The following KIF4A variants were observed in gnomAD, a reference collection of about 807,000 sequenced individuals.
KIF4A encodes chromosome-associated kinesin KIF4A.
Under a neutral mutation model 105.9 loss-of-function variants are expected in KIF4A, and 7 were observed. That is an observed-to-expected ratio of 0.07 (90% CI 0.04 to 0.12). The LOEUF (loss-of-function observed/expected upper bound fraction) is 0.12. Among genes scored for constraint, KIF4A ranks in the 10% least tolerant of loss-of-function variants. The pLI is 1.00. For missense variants in KIF4A, 558 were observed against 929.2 expected, an observed-to-expected ratio of 0.60 and a Z score of 5.19; for synonymous variants, 281 against 331.3, an observed-to-expected ratio of 0.85 and a Z score of 1.65.
At chrX:70,392,656 G>A (rs2086241700) in intron 20 of KIF4A, among the ~76,000 whole-genome samples, 1 of 109,235 alleles carries the variant, frequency 9.2e-6, no homozygotes. Context: ...CTGTAATGAT[G>A]TCATCTATCT....
intron 15 of KIF4A, among the ~76,000 whole-genome samples, chrX:70,354,454 T>C (rs1035717208): frequency 7.1e-5 from 8 of 112,650 alleles, no homozygotes; most frequent in African/African-American, 2.3e-4. Context: ...TGTGTTTATA[T>C]TGAGGAACAG....
chrX:70,350,402 G>A (rs1159790717), intron 13 of KIF4A, among the ~76,000 whole-genome samples: 1 of 111,544 alleles, frequency 9.0e-6, no homozygotes, highest in African/African-American at 3.3e-5. Context: ...GGAGAATCAC[G>A]GGAGCCGGAG....
chrX:70,301,546 A>G (rs2085804528), intron 5 of KIF4A, among the ~76,000 whole-genome samples: 1 of 111,716 alleles, frequency 9.0e-6, no homozygotes, highest in Non-Finnish European at 1.9e-5. Flanking sequence ...TGAAAGTAAC[A>G]AAGAGAAATG....
chrX:70,397,074 A>G (rs2086262181), intron 22 of KIF4A, among the ~76,000 whole-genome samples: 1 of 106,964 alleles, frequency 9.3e-6, no homozygotes, highest in Admixed American at 1.0e-4. Flanking sequence ...CTCCATCTCA[A>G]AAAAGTAAAA....
At chrX:70,342,209 G>A (rs1172447855) in intron 11 of KIF4A, among the ~76,000 whole-genome samples, 1 of 111,807 alleles carries the variant, frequency 8.9e-6, no homozygotes, top group Non-Finnish European at 1.9e-5. Context: ...ATACCAGAAA[G>A]TAAAGAACCA....
At chrX:70,306,741 A>G (rs1490884189) in intron 7 of KIF4A, among the ~76,000 whole-genome samples, 2 of 110,492 alleles carry the variant, frequency 1.8e-5, no homozygotes, top group East Asian at 2.8e-4. Context: ...GGACTTCACC[A>G]TGTTGGCCAG....
chrX:70,393,503 G>A lies in KIF4A; in HGVS notation c.2233-2168G>A, dbSNP rs780129978. Among the ~76,000 whole-genome samples the A allele has an allele frequency of 2.9e-3, 319 of 111,193 alleles. 3 individuals carry two copies. Among genetic ancestry groups the A allele is most frequent in the African/African-American group, 9.9e-3 (305 of 30,690 alleles). ...GTCCTTGCTGATTTTCTGCATACTC[G>A]TCCTATCAATTATTGAGAAATAGGT... On this transcript the variant is annotated intron_variant, in intron 20 of 30. Transcript: ENST00000374403.
intron 18 of KIF4A, among the ~76,000 whole-genome samples, chrX:70,382,683 T>C (rs1165922599): frequency 9.1e-6 from 1 of 110,108 alleles, no homozygotes; most frequent in African/African-American, 3.3e-5. Flanking sequence ...TCAGGCATGG[T>C]GGCTCATGCC....
rs1322228220 is a variant in KIF4A, at chrX:70,333,214, C to A, written c.1072-414C>A. On this transcript the variant is annotated intron_variant, in intron 9 of 30. Transcript: ENST00000374403. ...ATTAGCTGGGTGTGTTGGCGGGCGC[C>A]TGTAGTCCCAGCTACTTGGGAGGCT... Among the ~76,000 whole-genome samples the A allele has an allele frequency of 4.6e-5, 5 of 108,284 alleles. 1 individual carries two copies. The Admixed American group carries it at 4.9e-4, about 11-fold the overall frequency. 94.0% of individuals were successfully genotyped at this position (108,284 alleles called of 115,157 possible).
At chrX:70,368,291 GGAGCTGCGTTCCTTTGGAGGAGGA>G (rs1398517831) in intron 15 of KIF4A, among the ~76,000 whole-genome samples, 1 of 112,275 alleles carries the variant, frequency 8.9e-6, no homozygotes, top group Non-Finnish European at 1.9e-5. Context: ...TTGCTGGTGA[GGAGCTGCGTTCCTTTGGAGGAGGA>G]GAGCTGCTCT....
chrX:70,350,491 G>T (rs1424228132), intron 13 of KIF4A, among the ~76,000 whole-genome samples: 1 of 109,236 alleles, frequency 9.2e-6, no homozygotes, highest in African/African-American at 3.4e-5. Context: ...GAGGGAGAGG[G>T]AGAGGGAAAG....
At chrX:70,304,549 T>C (rs1438517148) in intron 7 of KIF4A, among the ~76,000 whole-genome samples, 1 of 110,731 alleles carries the variant, frequency 9.0e-6, no homozygotes, top group Non-Finnish European at 1.9e-5. Flanking sequence ...AGTTTACATT[T>C]CATATAAATG....
intron 9 of KIF4A, among the ~76,000 whole-genome samples, chrX:70,333,062 G>A (rs1176339188): frequency 1.8e-5 from 2 of 111,103 alleles, no homozygotes; most frequent in African/African-American, 6.6e-5. Flanking sequence ...CTCAAGGCCA[G>A]GAGCAGTGGC....
intron 7 of KIF4A, among the ~76,000 whole-genome samples, chrX:70,316,934 C>T (rs983992997): frequency 8.9e-6 from 1 of 112,468 alleles, no homozygotes; most frequent in African/African-American, 3.2e-5. Context: ...CATCATCTAT[C>T]TGAAATTCAG....
chrX:70,415,607 C>CAAA lies in KIF4A; in HGVS notation c.3256-2267_3256-2265dup, dbSNP rs59326448. The CAAA allele has an allele frequency of 3.9e-3, 317 of 80,514 alleles. 1 individual carries two copies. The highest frequency in any genetic ancestry group is 0.015 in the African/African-American group (302 of 20,282). The allele number at this position is 80,514 out of a possible 1,213,427, so 6.6% of individuals were successfully genotyped here. A position where few individuals can be genotyped will look rare whatever the true frequency, so the allele number is the denominator to read the frequency against. On this transcript the variant is annotated intron_variant, in intron 28 of 30. Coordinates refer to ENST00000374403, the MANE Select transcript of KIF4A (RefSeq NM_012310.5). ...GGGTGACAGAGCAAGACCCTGTCTC[C>CAAA]AAAAAAAAAAAAAAAACTAATGTGG...
rs373508945 is a variant in KIF4A, at chrX:70,302,403, G to A, written c.778+5G>A. On this transcript the variant is annotated splice_donor_5th_base_variant and intron_variant, in intron 7 of 30. Transcript: ENST00000374403. ...AAGGGGATCGTCTAAAAGAGGGTAA[G>A]AGAGTAATTAAGGTCACAGTTGTAG... is the stretch of plus-strand genomic sequence containing the variant. The A allele has an allele frequency of 3.3e-6, 4 of 1,205,894 alleles. No homozygotes were observed. In the African/African-American group the frequency reaches 7.0e-5, roughly 21 times the overall value.
At chrX:70,390,149 A>G (rs2086232487) in intron 20 of KIF4A, among the ~76,000 whole-genome samples, 1 of 111,869 alleles carries the variant, frequency 8.9e-6, no homozygotes, top group Non-Finnish European at 1.9e-5. Flanking sequence ...TCCATTTCCA[A>G]TTGTTTAGAT....
intron 7 of KIF4A, among the ~76,000 whole-genome samples, chrX:70,325,833 ATAACT>A (rs2085909033): frequency 9.1e-6 from 1 of 110,304 alleles, no homozygotes; most frequent in Admixed American, 9.7e-5. Flanking sequence ...TCCATTAATA[ATAACT>A]TAAATATAGA....
chrX:70,367,251 T>A lies in KIF4A; in HGVS notation c.1675-6900T>A, dbSNP rs767510952. Among the ~76,000 whole-genome samples the A allele has an allele frequency of 5.3e-4, 59 of 111,719 alleles. 1 individual carries two copies. The highest frequency in any genetic ancestry group is 1.8e-3 in the African/African-American group (56 of 30,687). On this transcript the variant is annotated intron_variant, in intron 15 of 30. Coordinates refer to ENST00000374403, the MANE Select transcript of KIF4A (RefSeq NM_012310.5). ...AATTGGAGCATTTAGCCCGTTAACA[T>A]TTAAGGTTAATATTGTTATGTGTGA...
Sources: allele counts gnomAD v4.1 joint callset (sites outside exome capture counted in the v4.1 genomes callset), GRCh38; gene constraint gnomAD v4.1.1; transcripts MANE v1.5; gene names NCBI Gene and HGNC (gene_info 2026-07-23, HGNC 2026-07-21).